AKAP19: variants seen among roughly 807,000 people sequenced by gnomAD.
The protein encoded by AKAP19 is A-kinase anchoring protein 19.
At chr2:190,156,094 C>T in the AKAP19 span, among the ~76,000 whole-genome samples, 1 of 151,862 alleles carries the variant, frequency 6.6e-6, no homozygotes, top group Admixed American at 6.6e-5. Flanking sequence ...TCGTGACCTC[C>T]TTATAGGCTT....
At chr2:190,159,834 G>T in the AKAP19 span, among the ~76,000 whole-genome samples, 1 of 152,230 alleles carries the variant, frequency 6.6e-6, no homozygotes, top group Admixed American at 6.5e-5. Flanking sequence ...AAGAGCCATT[G>T]TTGGCCCTTT....
At chr2:190,146,509 A>G in the AKAP19 span, among the ~76,000 whole-genome samples, 15 of 152,330 alleles carry the variant, frequency 9.8e-5, no homozygotes, top group Admixed American at 9.8e-4. Context: ...TCCTCTGGGT[A>G]GATACCCAGT....
At chr2:190,017,535 A>T in the AKAP19 span, among the ~76,000 whole-genome samples, 1 of 152,168 alleles carries the variant, frequency 6.6e-6, no homozygotes, top group Non-Finnish European at 1.5e-5. Flanking sequence ...CTTACACCAC[A>T]ATTCTACATT....
At chr2:190,103,526 G>A in the AKAP19 span, among the ~76,000 whole-genome samples, 1 of 152,176 alleles carries the variant, frequency 6.6e-6, no homozygotes, top group East Asian at 1.9e-4. Context: ...AATATCAGTA[G>A]CATTTCTATA....
chr2:190,196,061 G>GTTT, the AKAP19 span, among the ~76,000 whole-genome samples: 7 of 148,028 alleles, frequency 4.7e-5, no homozygotes, highest in Admixed American at 6.8e-5. Context: ...CCTTTCAATT[G>GTTT]TTATTTTTAG....
At chr2:189,914,720 T>A in the AKAP19 span, among the ~76,000 whole-genome samples, 1 of 152,136 alleles carries the variant, frequency 6.6e-6, no homozygotes, top group African/African-American at 2.4e-5. Flanking sequence ...TAGCTAAGAT[T>A]GTTATTAATA....
the AKAP19 span, among the ~76,000 whole-genome samples, chr2:190,192,452 C>CTG: frequency 0.19 from 27,538 of 145,102 alleles, 2,656 homozygotes; most frequent in East Asian, 0.28. Flanking sequence ...AATTCAGAAT[C>CTG]TGTGTGTGTG....
chr2:189,995,013 T>G, the AKAP19 span, among the ~76,000 whole-genome samples: 1 of 152,246 alleles, frequency 6.6e-6, no homozygotes, highest in East Asian at 1.9e-4. Flanking sequence ...ATTTTGATTT[T>G]CTTAAATTGA....
At chr2:190,055,181 A>G in the AKAP19 span, among the ~76,000 whole-genome samples, 3 of 152,080 alleles carry the variant, frequency 2.0e-5, no homozygotes, top group African/African-American at 7.2e-5. Flanking sequence ...CTTTGTAGGG[A>G]CATGGATGAA....
the AKAP19 span, among the ~76,000 whole-genome samples, chr2:190,174,158 G>A: frequency 7.2e-5 from 11 of 152,164 alleles, no homozygotes; most frequent in Admixed American, 6.5e-5. Context: ...GGGACTAGCT[G>A]CATTAGGAAT....
At chr2:189,975,300 A>G in the AKAP19 span, among the ~76,000 whole-genome samples, 3 of 152,190 alleles carry the variant, frequency 2.0e-5, no homozygotes, top group African/African-American at 7.2e-5. Flanking sequence ...AGAATGTTGA[A>G]TATTGGCCCC....
At chr2:189,931,600 A>G in the AKAP19 span, among the ~76,000 whole-genome samples, 1 of 152,000 alleles carries the variant, frequency 6.6e-6, no homozygotes, top group Non-Finnish European at 1.5e-5. Flanking sequence ...TCCTGTCCTC[A>G]AGTGATCCTC....
chr2:190,122,067 G>T, the AKAP19 span, among the ~76,000 whole-genome samples: 2 of 152,152 alleles, frequency 1.3e-5, no homozygotes, highest in African/African-American at 2.4e-5. Flanking sequence ...ATCAGCTTTT[G>T]TCTTAAGGGA....
At chr2:189,970,969 T>G in the AKAP19 span, among the ~76,000 whole-genome samples, 2 of 152,154 alleles carry the variant, frequency 1.3e-5, no homozygotes, top group African/African-American at 2.4e-5. Context: ...TGACCATTTG[T>G]TTTTCTTTTT....
chr2:189,967,416 G>A, the AKAP19 span, among the ~76,000 whole-genome samples: 8 of 152,192 alleles, frequency 5.3e-5, no homozygotes, highest in Non-Finnish European at 1.2e-4. Flanking sequence ...AAAGGAAACT[G>A]CTAAAGGAGC....
At chr2:189,911,594 A>G in the AKAP19 span, among the ~76,000 whole-genome samples, 1 of 152,146 alleles carries the variant, frequency 6.6e-6, no homozygotes, top group Non-Finnish European at 1.5e-5. Context: ...TTTATAGTTT[A>G]CTCTGGAAAT....
At chr2:190,181,297 A>C in the AKAP19 span, 66 of 316,894 alleles carry the variant, frequency 2.1e-4, no homozygotes, top group African/African-American at 1.5e-3. Context: ...CTAATCGAGA[A>C]GAGTTAGCCC....
the AKAP19 span, among the ~76,000 whole-genome samples, chr2:189,903,465 A>G: frequency 6.6e-6 from 1 of 152,004 alleles, no homozygotes; most frequent in African/African-American, 2.4e-5. Context: ...GTTTAAGTAT[A>G]CCTTAATTAT....
At chr2:189,885,141 G>A in the AKAP19 span, among the ~76,000 whole-genome samples, 1 of 152,138 alleles carries the variant, frequency 6.6e-6, no homozygotes, top group African/African-American at 2.4e-5. Context: ...TACCCCCCAT[G>A]AAGAGGTGGG....
Sources: gnomAD v4.1 joint callset for allele counts (sites outside exome capture counted in the v4.1 genomes callset) on GRCh38, gnomAD v4.1.1 for gene constraint, MANE v1.5 for transcripts, NCBI Gene and HGNC (gene_info 2026-07-23, HGNC 2026-07-21) for gene names.